Variants in TNFSF11 observed in about 807,000 individuals in gnomAD.
The protein encoded by TNFSF11 is tumor necrosis factor ligand superfamily member 11.
A neutral mutation model predicts 32.2 loss-of-function variants in TNFSF11; 12 were observed. That is an observed-to-expected ratio of 0.37 (90% confidence interval 0.24 to 0.60). The LOEUF is 0.60. Ranked by LOEUF, TNFSF11 falls within the 20% of genes least tolerant of loss-of-function variation. The pLI, the probability that TNFSF11 is intolerant of heterozygous loss-of-function variation, is 0.66. For missense variants in TNFSF11, 345 were observed against 398.0 expected, an observed-to-expected ratio of 0.87 and a Z score of 1.13; for synonymous variants, 172 against 152.1, an observed-to-expected ratio of 1.13 and a Z score of -0.96.
chr13:42,572,264 G>T (rs1201610595), upstream of TNFSF11, among the ~76,000 whole-genome samples: 1 of 152,156 alleles, frequency 6.6e-6, no homozygotes, highest in Non-Finnish European at 1.5e-5. Flanking sequence ...GGATTTGAGG[G>T]ACTTTCTTGT....
intron 2 of TNFSF11, among the ~76,000 whole-genome samples, chr13:42,584,064 C>G (rs367687581): frequency 7.6e-4 from 116 of 152,086 alleles, no homozygotes; most frequent in African/African-American, 2.2e-3. Context: ...ATAAACATAA[C>G]AAGAAATGTA....
chr13:42,601,285 C>G (rs1296788572), intron 4 of TNFSF11, among the ~76,000 whole-genome samples: 1 of 152,244 alleles, frequency 6.6e-6, no homozygotes, highest in Non-Finnish European at 1.5e-5. Flanking sequence ...CTCATCTGTA[C>G]TTTCCCAAGC....
rs1869472420 is a variant in TNFSF11 at position 42,606,692 on chromosome 13, C to T, written c.728C>T (p.Thr243Ile). Residue 243 changes from threonine to isoleucine, a missense_variant, in exon 5 of 5, where the codon ACT becomes ATT. Thr to Ile is a moderately conservative substitution (Grantham distance 89, BLOSUM62 -1). This residue lies in a region of TNFSF11 where 148 missense variants were observed against 216.0 expected (regional missense o/e 0.69). Transcript: ENST00000398795. ...TEYLQLMVYV[T>I]KTSIKIPSSH... is the part of the protein sequence containing the mutation. The stretch of plus-strand genomic sequence containing the variant: ...TATCTTCAACTAATGGTGTACGTCA[C>T]TAAAACCAGCATCAAAATCCCAAGT... 3 of 1,614,224 alleles carry T rather than the reference C, an allele frequency of 1.9e-6. No homozygotes were observed. The South Asian group carries it at 3.3e-5, about 18-fold the overall frequency.
chr13:42,569,325 G>A (rs1371188986), upstream of TNFSF11, among the ~76,000 whole-genome samples: 1 of 152,048 alleles, frequency 6.6e-6, no homozygotes, highest in African/African-American at 2.4e-5. Flanking sequence ...GAGGTGGGTG[G>A]ATCATGAGGT....
chr13:42,591,530 A>G (rs1311381435), intron 2 of TNFSF11, among the ~76,000 whole-genome samples: 1 of 152,124 alleles, frequency 6.6e-6, no homozygotes, highest in Non-Finnish European at 1.5e-5. Context: ...ATCTTTTATA[A>G]CATGTATTCA....
intron 2 of TNFSF11, among the ~76,000 whole-genome samples, chr13:42,587,260 G>A (rs1873943323): frequency 6.6e-6 from 1 of 152,194 alleles, no homozygotes; most frequent in African/African-American, 2.4e-5. Flanking sequence ...TCGGCTGGAA[G>A]TTACTCATAA....
intron 2 of TNFSF11, among the ~76,000 whole-genome samples, chr13:42,598,525 TAAG>T (rs1868947229): frequency 6.6e-6 from 1 of 152,120 alleles, no homozygotes; most frequent in African/African-American, 2.4e-5. Flanking sequence ...AACTGGGAAA[TAAG>T]AAACTGCTAT....
chr13:42,577,135 T>C (rs1416148497), intron 1 of TNFSF11, among the ~76,000 whole-genome samples: 1 of 152,224 alleles, frequency 6.6e-6, no homozygotes, highest in Non-Finnish European at 1.5e-5. Context: ...TCTAGTAACA[T>C]GTTTGTAGTT....
At chr13:42,604,734 C>G (rs1869357980) in intron 4 of TNFSF11, among the ~76,000 whole-genome samples, 1 of 152,140 alleles carries the variant, frequency 6.6e-6, no homozygotes, top group South Asian at 2.1e-4. Context: ...CCCACCAAAC[C>G]AGACTAGGCT....
At chr13:42,567,063 T>A (rs1872897781) in intron 2 of TNFSF11, among the ~76,000 whole-genome samples, 1 of 151,946 alleles carries the variant, frequency 6.6e-6, no homozygotes, top group South Asian at 2.1e-4. Flanking sequence ...ATAGAAGACC[T>A]AATATGGCAA....
At position 42,590,730 on chromosome 13, in the gene TNFSF11, G is replaced by A. The variant is rs114973111; in HGVS notation, c.387+9437G>A. ...ATAGTATAAGACATTTGAAAATCGG[G>A]CTCTTTATGAAGACTAACATTGCTG... On this transcript the variant is annotated intron_variant, in intron 2 of 4. Coordinates refer to ENST00000398795, the MANE Select transcript of TNFSF11 (RefSeq NM_003701.4). Among the ~76,000 whole-genome samples, 1,202 of 152,256 alleles carry A rather than the reference G, an allele frequency of 7.9e-3. 17 individuals carry two copies. The highest frequency in any genetic ancestry group is 0.026 in the African/African-American group (1,099 of 41,552).
At chr13:42,577,660 C>T (rs1873388685) in intron 1 of TNFSF11, among the ~76,000 whole-genome samples, 1 of 152,142 alleles carries the variant, frequency 6.6e-6, no homozygotes, top group Non-Finnish European at 1.5e-5. Flanking sequence ...CTTCTTCCCT[C>T]GATCCCCCAA....
chr13:42,587,390 T>C (rs933847090), intron 2 of TNFSF11, among the ~76,000 whole-genome samples: 4 of 152,192 alleles, frequency 2.6e-5, no homozygotes, highest in Admixed American at 6.5e-5. Flanking sequence ...TGGAAGGAGA[T>C]GAGGGGACAA....
At chr13:42,586,246 C>T (rs542799334) in intron 2 of TNFSF11, among the ~76,000 whole-genome samples, 5 of 152,264 alleles carry the variant, frequency 3.3e-5, no homozygotes, top group African/African-American at 4.8e-5. Context: ...AGCCATTTCG[C>T]GCACATCTGA....
At chr13:42,606,348 C>G (rs1869450561) in intron 4 of TNFSF11, 149 bp from the exon 5 acceptor site, 2 of 960,082 alleles carry the variant, frequency 2.1e-6, no homozygotes, top group Non-Finnish European at 3.2e-6. Flanking sequence ...AATGTATTCT[C>G]CCCTTCTAGA....
intron 4 of TNFSF11, among the ~76,000 whole-genome samples, chr13:42,605,754 A>G (rs1479149121): frequency 6.6e-6 from 1 of 152,208 alleles, no homozygotes; most frequent in Non-Finnish European, 1.5e-5. Flanking sequence ...AATGCTAAGA[A>G]TATGTTCTTT....
intron 2 of TNFSF11, among the ~76,000 whole-genome samples, chr13:42,598,715 C>T (rs1357408056): frequency 6.6e-6 from 1 of 152,228 alleles, no homozygotes; most frequent in African/African-American, 2.4e-5. Context: ...CGCACAGTTA[C>T]ACTCACATTT....
At chr13:42,567,097 C>A (rs1029478110) in intron 2 of TNFSF11, among the ~76,000 whole-genome samples, 1 of 151,748 alleles carries the variant, frequency 6.6e-6, no homozygotes, top group Non-Finnish European at 1.5e-5. Context: ...AAAGAAGAAA[C>A]AATAAAAAAT....
rs181469755 is a variant in TNFSF11 at position 42,596,430 on chromosome 13, C to T, written c.388-4322C>T. 1.1e-4 allele frequency among the ~76,000 whole-genome samples: 17 copies of T among 152,244 alleles called. No homozygotes were observed. The East Asian group carries it at 3.3e-3, about 29-fold the overall frequency. Reference sequence around the variant, plus strand: ...AGTTACTGCTTCAGGGAGGGAGTCACGCTAGGGATTCCTGGGTGGGCTAGT... The same window carrying T: ...AGTTACTGCTTCAGGGAGGGAGTCATGCTAGGGATTCCTGGGTGGGCTAGT... On this transcript the variant is annotated intron_variant, in intron 2 of 4. Transcript: ENST00000398795.
Sources: allele counts gnomAD v4.1 joint callset (sites outside exome capture counted in the v4.1 genomes callset), GRCh38; gene constraint gnomAD v4.1.1; regional missense constraint gnomAD v4.1.1; transcripts MANE v1.5; gene names NCBI Gene and HGNC (gene_info 2026-07-23, HGNC 2026-07-21).